Variants in BNIP2 observed in about 807,000 individuals in gnomAD.
The protein encoded by BNIP2 is BCL2/adenovirus E1B 19 kDa protein-interacting protein 2.
A neutral mutation model predicts 43.4 loss-of-function variants in BNIP2; 36 were observed. The observed-to-expected ratio is 0.83, with a 90% CI of 0.64 to 1.10. The LOEUF (loss-of-function observed/expected upper bound fraction) is 1.10. BNIP2 is among the 50% of genes least tolerant of loss of function. The pLI, the probability that BNIP2 is intolerant of heterozygous loss-of-function variation, is 0.00. For synonymous variants in BNIP2, 146 were observed against 121.0 expected (o/e 1.21, Z -1.35); for missense variants, 417 against 374.1 (o/e 1.11, Z -0.95).
intron 6 of BNIP2, among the ~76,000 whole-genome samples, chr15:59,671,896 T>A (rs6151542): frequency 0.33 from 50,110 of 151,972 alleles, 8,591 homozygotes; most frequent in East Asian, 0.54. Context: ...GGCAACATAG[T>A]GAGACTCTGT....
At chr15:59,672,510 G>C in intron 6 of BNIP2, 127 bp downstream of exon 6, 3 of 641,616 alleles carry the variant, frequency 4.7e-6, no homozygotes, top group East Asian at 2.9e-5. Flanking sequence ...GGACTCAAGT[G>C]ATCTGCCCAC....
In BNIP2 at chr15:59,678,044, G is replaced by A. The variant is rs1893420477; in HGVS notation, c.339C>T (p.Gly113=). Residue 113 remains glycine (G), a synonymous_variant, in exon 5 of 10, where the codon GGC becomes GGT. Coordinates refer to ENST00000607373, the MANE Select transcript of BNIP2 (RefSeq NM_004330.4). The stretch of plus-strand genomic sequence containing the variant: ...CTGCTGCTGTGTATTCAGTAATTGA[G>A]CCTTTCCTAATTACTTCAGTAGTCT... ...KPKTTEVIRK[G]SITEYTAAEE... is the part of the protein sequence containing the mutation. 2 of 1,613,686 alleles carry A rather than the reference G, an allele frequency of 1.2e-6. No homozygotes were observed. Among genetic ancestry groups the A allele is most frequent in the Non-Finnish European group, 1.7e-6 (2 of 1,179,796 alleles).
At chr15:59,672,246 T>C (rs556551636) in intron 6 of BNIP2, 1 of 156,740 alleles carries the variant, frequency 6.4e-6, no homozygotes, top group African/African-American at 2.4e-5. Context: ...TTCATTCTGT[T>C]GTTCACAAAC....
At chr15:59,688,668 A>G in intron 1 of BNIP2, 1 of 1,516,626 alleles carries the variant, frequency 6.6e-7, no homozygotes, top group East Asian at 2.5e-5. Context: ...ACTAGGGAAG[A>G]TCTATTAAAG....
rs746618822 is a variant in BNIP2 at position 59,672,738 on chromosome 15, T to A, written c.474A>T (p.Gly158=). ...TGGCATTTAATCCATCCCCATAATA[T>A]CCTAAAAAAGAAACCAAAGACAGTA... is the stretch of plus-strand genomic sequence containing the variant. ...EPYKKVISHG[G]YYGDGLNAIV... The change falls in exon 6 of 10, where the codon GGA becomes GGT. Residue 158 remains glycine (G), a splice_region_variant and synonymous_variant. Coordinates refer to ENST00000607373, the MANE Select transcript of BNIP2 (RefSeq NM_004330.4). 3.2e-5 allele frequency: 52 copies of A among 1,612,294 alleles called. No individual in the cohort carries two copies. The highest frequency in any genetic ancestry group is 4.4e-5 in the Non-Finnish European group (52 of 1,178,930).
At chr15:59,672,785 T>TA (rs764609899) in intron 5 of BNIP2, 46 bp from the exon 6 acceptor site, 8 of 1,406,712 alleles carry the variant, frequency 5.7e-6, no homozygotes, top group Admixed American at 1.8e-5. Flanking sequence ...ATTTTACTCT[T>TA]AGGCATTTTT....
At chr15:59,685,222 G>A (rs1212346360) in intron 1 of BNIP2, among the ~76,000 whole-genome samples, 5 of 152,166 alleles carry the variant, frequency 3.3e-5, no homozygotes, top group East Asian at 1.9e-4. Context: ...CCTTGAGGCC[G>A]GACGTGGTGG....
intron 1 of BNIP2, among the ~76,000 whole-genome samples, chr15:59,684,232 A>G (rs985565291): frequency 3.9e-5 from 6 of 152,328 alleles, no homozygotes; most frequent in African/African-American, 7.2e-5. Context: ...GTTTGATGAT[A>G]CACTTGTTAC....
chr15:59,666,289 A>T (rs992503012), intron 9 of BNIP2, among the ~76,000 whole-genome samples: 13 of 152,138 alleles, frequency 8.5e-5, no homozygotes. Flanking sequence ...AGGGACTCAT[A>T]GCTTCATACT....
At chr15:59,675,915 A>C (rs1893254294) in intron 5 of BNIP2, among the ~76,000 whole-genome samples, 1 of 152,226 alleles carries the variant, frequency 6.6e-6, no homozygotes, top group Admixed American at 6.5e-5. Context: ...AGGCAAAACT[A>C]ATCAGGGGGT....
intron 5 of BNIP2, among the ~76,000 whole-genome samples, chr15:59,674,755 A>G (rs1031716168): frequency 2.2e-4 from 34 of 152,340 alleles, no homozygotes; most frequent in African/African-American, 7.5e-4. Context: ...CTGACTTACC[A>G]CTAACATTCT....
At chr15:59,666,514 A>C (rs1216172082) in intron 9 of BNIP2, among the ~76,000 whole-genome samples, 1 of 152,116 alleles carries the variant, frequency 6.6e-6, no homozygotes, top group Non-Finnish European at 1.5e-5. Context: ...TAAAAATGCA[A>C]AAATTAGCCA....
intron 1 of BNIP2, among the ~76,000 whole-genome samples, chr15:59,683,878 C>T (rs1219685842): frequency 1.3e-5 from 2 of 152,060 alleles, no homozygotes; most frequent in Non-Finnish European, 2.9e-5. Flanking sequence ...TCCGTCTATA[C>T]CATTTGATTT....
At chr15:59,684,235 C>T (rs1398003072) in intron 1 of BNIP2, among the ~76,000 whole-genome samples, 1 of 152,192 alleles carries the variant, frequency 6.6e-6, no homozygotes, top group Non-Finnish European at 1.5e-5. Flanking sequence ...TGATGATACA[C>T]TTGTTACCAC....
intron 8 of BNIP2, 32 bp from the exon 9 acceptor site, chr15:59,669,022 T>C (rs767259589): frequency 5.8e-6 from 9 of 1,544,582 alleles, no homozygotes; most frequent in Middle Eastern, 1.7e-4. Context: ...ATTACTTCCA[T>C]ATTTCTGACA....
intron 1 of BNIP2, 51 bp downstream of exon 1, chr15:59,689,084 C>A: frequency 6.6e-7 from 1 of 1,512,304 alleles, no homozygotes; most frequent in Non-Finnish European, 8.8e-7. Context: ...TAGGCCGGTT[C>A]CCAGTCCAGC....
intron 7 of BNIP2, among the ~76,000 whole-genome samples, chr15:59,670,612 A>G (rs1159321826): frequency 6.6e-6 from 1 of 152,248 alleles, no homozygotes; most frequent in Non-Finnish European, 1.5e-5. Context: ...TCTTCAATTA[A>G]ATAAGGAGAA....
chr15:59,659,509 T>C lies in BNIP2; in HGVS notation c.*4560A>G, dbSNP rs1228231144. On this transcript the variant is annotated 3_prime_UTR_variant, in exon 10 of 10. Coordinates refer to ENST00000607373, the MANE Select transcript of BNIP2 (RefSeq NM_004330.4). ...GAATTGTGTTCTGTGTGAATAGTGC[T>C]CCAAGGGCTGTGCAAGTCAGTGGCC... 1.3e-5 allele frequency: 2 copies of C among 152,228 alleles called. No homozygotes were observed. Among genetic ancestry groups the C allele is most frequent in the African/African-American group, 4.8e-5 (2 of 41,458 alleles). 9.4% of individuals were successfully genotyped at this position (152,228 alleles called of 1,614,324 possible).
chr15:59,688,911 T>C, intron 1 of BNIP2: 1 of 1,464,034 alleles, frequency 6.8e-7, no homozygotes, highest in Non-Finnish European at 9.0e-7. Flanking sequence ...GGGGCCAAAC[T>C]GCCAAATACA....
Sources: allele counts gnomAD v4.1 joint callset (sites outside exome capture counted in the v4.1 genomes callset), GRCh38; gene constraint gnomAD v4.1.1; transcripts MANE v1.5; gene names NCBI Gene and HGNC (gene_info 2026-07-23, HGNC 2026-07-21).